TWSG1: variants seen among roughly 807,000 people sequenced by gnomAD.
TWSG1 encodes twisted gastrulation BMP signaling modulator 1, also known as twisted gastrulation protein homolog 1.
TWSG1 carries 15 observed loss-of-function variants against 23.0 expected under a neutral mutation model. The ratio of observed to expected loss-of-function variants is 0.65; its 90% CI spans 0.44 to 1.00. TWSG1 has a LOEUF of 1.00. Among genes scored for constraint, TWSG1 ranks in the 50% least tolerant of loss-of-function variants. The pLI, the probability that TWSG1 is intolerant of heterozygous loss-of-function variation, is 0.00. For synonymous variants in TWSG1, 86 were observed against 92.8 expected (o/e 0.93, Z 0.42); for missense variants, 242 against 278.7 (o/e 0.87, Z 0.94).
chr18:9,382,001 T>C (rs2040658548), intron 3 of TWSG1, among the ~76,000 whole-genome samples: 1 of 152,138 alleles, frequency 6.6e-6, no homozygotes, highest in Admixed American at 6.6e-5. Context: ...TAAGATATCT[T>C]TATCTTTTAA....
At chr18:9,386,117 C>T (rs1320806833) in intron 3 of TWSG1, among the ~76,000 whole-genome samples, 2 of 150,174 alleles carry the variant, frequency 1.3e-5, no homozygotes, top group African/African-American at 2.5e-5. Context: ...TGCAGTGAGC[C>T]GAGATCGTGC....
Position 9,337,249 on chromosome 18 carries a change from C to G in TWSG1, c.20C>G (p.Ala7Gly). MKLHYV[A>G]VLTLAILMFL... ...AGAAACATGAAGTTACACTATGTTG[C>G]TGTGCTTACTCTAGCCATCCTGATG... Residue 7 changes from alanine (A) to glycine (G), a missense_variant, in exon 2 of 5, where the codon GCT becomes GGT. Transcript: ENST00000262120. The G allele has an allele frequency of 6.2e-7, 1 of 1,612,492 alleles. No individual in the cohort carries two copies. The highest frequency in any genetic ancestry group is 8.5e-7 in the Non-Finnish European group (1 of 1,179,972).
chr18:9,346,192 T>C (rs1420045829), intron 2 of TWSG1, among the ~76,000 whole-genome samples: 1 of 152,192 alleles, frequency 6.6e-6, no homozygotes, highest in Admixed American at 6.5e-5. Flanking sequence ...TTTTTTACTG[T>C]CTCTGTAGTT....
At chr18:9,350,639 G>T (rs993081308) in intron 2 of TWSG1, among the ~76,000 whole-genome samples, 1 of 152,078 alleles carries the variant, frequency 6.6e-6, no homozygotes, top group Non-Finnish European at 1.5e-5. Context: ...ATATATTTTG[G>T]TAATTCATAT....
At chr18:9,357,582 A>C (rs1184163998) in intron 2 of TWSG1, among the ~76,000 whole-genome samples, 2 of 152,194 alleles carry the variant, frequency 1.3e-5, no homozygotes, top group Non-Finnish European at 2.9e-5. Context: ...GAGAAATAAT[A>C]GTTACATTGC....
intron 3 of TWSG1, among the ~76,000 whole-genome samples, chr18:9,387,238 GA>G (rs1314702630): frequency 6.6e-6 from 1 of 152,072 alleles, no homozygotes; most frequent in Non-Finnish European, 1.5e-5. Context: ...GTGTGCTACA[GA>G]GAAAGAAAAT....
chr18:9,364,477 C>G (rs1392753423), intron 3 of TWSG1, among the ~76,000 whole-genome samples: 1 of 152,094 alleles, frequency 6.6e-6, no homozygotes, highest in African/African-American at 2.4e-5. Flanking sequence ...ATGACCATTG[C>G]CTGAGTCAGC....
intron 3 of TWSG1, among the ~76,000 whole-genome samples, chr18:9,379,735 A>C (rs2040647809): frequency 6.6e-6 from 1 of 152,238 alleles, no homozygotes; most frequent in South Asian, 2.1e-4. Flanking sequence ...ATTCCATATA[A>C]AAGAAATATG....
chr18:9,348,748 T>C (rs1469919526), intron 2 of TWSG1, among the ~76,000 whole-genome samples: 1 of 152,226 alleles, frequency 6.6e-6, no homozygotes, highest in Non-Finnish European at 1.5e-5. Context: ...TGCAATGCTA[T>C]AAAAGTTTAT....
intron 2 of TWSG1, among the ~76,000 whole-genome samples, chr18:9,347,108 C>T (rs1441685697): frequency 1.3e-5 from 2 of 152,110 alleles, no homozygotes; most frequent in African/African-American, 2.4e-5. Flanking sequence ...ACTTATTTGC[C>T]ATTTGTATAC....
intron 2 of TWSG1, among the ~76,000 whole-genome samples, chr18:9,340,140 G>A (rs957180220): frequency 6.6e-6 from 1 of 151,906 alleles, no homozygotes; most frequent in Non-Finnish European, 1.5e-5. Context: ...AGGCCGAGGC[G>A]GGCGGATCAC....
At chr18:9,396,173 A>C in intron 3 of TWSG1, 107 bp from the exon 4 acceptor site, 2 of 712,500 alleles carry the variant, frequency 2.8e-6, no homozygotes, top group Non-Finnish European at 4.4e-6. Context: ...AAAAAAAGGT[A>C]GGAAAATATC....
At chr18:9,376,147 C>A (rs2040629464) in intron 3 of TWSG1, among the ~76,000 whole-genome samples, 1 of 152,134 alleles carries the variant, frequency 6.6e-6, no homozygotes, top group Non-Finnish European at 1.5e-5. Context: ...AAACTCCTGA[C>A]CTCAAGTGAT....
chr18:9,354,411 C>T (rs1199282039), intron 2 of TWSG1, among the ~76,000 whole-genome samples: 1 of 152,138 alleles, frequency 6.6e-6, no homozygotes, highest in Non-Finnish European at 1.5e-5. Context: ...TAGTTTTGAT[C>T]ACATGTTCCA....
chr18:9,349,997 G>A (rs575391054), intron 2 of TWSG1, among the ~76,000 whole-genome samples: 83 of 152,160 alleles, frequency 5.5e-4, no homozygotes, highest in African/African-American at 1.9e-3. Context: ...AAAATTAGCC[G>A]AGCATGGTGG....
intron 2 of TWSG1, among the ~76,000 whole-genome samples, chr18:9,357,215 A>G (rs1339860668): frequency 6.6e-6 from 1 of 152,182 alleles, no homozygotes; most frequent in African/African-American, 2.4e-5. Flanking sequence ...GGCCCAGCAA[A>G]GTTACCTAAT....
At chr18:9,377,345 A>C (rs1447632341) in intron 3 of TWSG1, among the ~76,000 whole-genome samples, 2 of 151,582 alleles carry the variant, frequency 1.3e-5, no homozygotes, top group Admixed American at 1.3e-4. Flanking sequence ...CAGCCTCCGG[A>C]GTAGCTGGGA....
At position 9,397,060 on chromosome 18, in the gene TWSG1, C is replaced by CAA. The variant is rs11390051; in HGVS notation, c.490+525_490+526dup. The stretch of plus-strand genomic sequence containing the variant: ...GTGGCAGAGCAAGACTCCGTCTCAC[C>CAA]AAAAAAAAAAAAGATAAAGAGGCAT... On this transcript the variant is annotated intron_variant, in intron 4 of 4. Transcript: ENST00000262120. 559 of 144,150 alleles carry CAA rather than the reference C, an allele frequency of 3.9e-3. 9 individuals carry two copies. The highest frequency in any genetic ancestry group is 0.031 in the Admixed American group (454 of 14,428). 8.9% of individuals were successfully genotyped at this position (144,150 alleles called of 1,614,324 possible). A position where few individuals can be genotyped will look rare whatever the true frequency, so the allele number is the denominator to read the frequency against.
chr18:9,350,776 A>G (rs1256744971), intron 2 of TWSG1, among the ~76,000 whole-genome samples: 1 of 152,222 alleles, frequency 6.6e-6, no homozygotes, highest in African/African-American at 2.4e-5. Context: ...GTAAAGAACA[A>G]CATGCTAATG....
Sources: gnomAD v4.1 joint callset for allele counts (sites outside exome capture counted in the v4.1 genomes callset) on GRCh38, gnomAD v4.1.1 for gene constraint, MANE v1.5 for transcripts, NCBI Gene and HGNC (gene_info 2026-07-23, HGNC 2026-07-21) for gene names.